Variants in C2orf92 observed in about 807,000 individuals in gnomAD.
The protein encoded by C2orf92 is uncharacterized protein C2orf92.
intron 3 of C2orf92, among the ~76,000 whole-genome samples, chr2:97,681,597 G>T (rs1009151612): frequency 1.3e-5 from 2 of 152,252 alleles, no homozygotes; most frequent in South Asian, 2.1e-4. Flanking sequence ...ATCTTCTCAC[G>T]CCTGTAATCC....
At chr2:97,691,413 T>C (rs986988243) in intron 5 of C2orf92, among the ~76,000 whole-genome samples, 3 of 152,066 alleles carry the variant, frequency 2.0e-5, no homozygotes, top group Admixed American at 2.0e-4. Context: ...AATTCTCCCC[T>C]CCTCCTCAGG....
intron 5 of C2orf92, among the ~76,000 whole-genome samples, chr2:97,695,186 C>CT: frequency 6.6e-6 from 1 of 152,222 alleles, no homozygotes; most frequent in Admixed American, 6.5e-5. Flanking sequence ...TCTGTTTTTT[C>CT]TTTGGTGGCC....
chr2:97,701,682 C>T (rs749558349), intron 7 of C2orf92, among the ~76,000 whole-genome samples: 2 of 152,220 alleles, frequency 1.3e-5, no homozygotes, highest in Admixed American at 6.5e-5. Context: ...GCTGAAGCCA[C>T]GAAGGAGAGT....
In C2orf92 at chr2:97,678,739, G is replaced by A. The variant is rs536835008; in HGVS notation, c.232+2811G>A. Reference sequence around the variant, plus strand: ...AATCCCAGCACTTTGGGAGGCTGACGTGGGCAGATCACTTGAGCCCAGGAA... The same window carrying A: ...AATCCCAGCACTTTGGGAGGCTGACATGGGCAGATCACTTGAGCCCAGGAA... On this transcript the variant is annotated intron_variant, in intron 3 of 7. Coordinates refer to ENST00000627399, the MANE Select transcript of C2orf92 (RefSeq NM_001351368.2). Among the ~76,000 whole-genome samples the A allele has an allele frequency of 1.1e-4, 16 of 151,442 alleles. No homozygotes were observed. In the South Asian group the frequency reaches 3.1e-3, roughly 30 times the overall value.
At chr2:97,672,817 C>T (rs1675456090) in intron 1 of C2orf92, among the ~76,000 whole-genome samples, 2 of 152,186 alleles carry the variant, frequency 1.3e-5, no homozygotes, top group South Asian at 4.2e-4. Flanking sequence ...TTTCTGGTGT[C>T]TCTGTGGTGA....
At chr2:97,681,266 A>C (rs528133089) in intron 3 of C2orf92, among the ~76,000 whole-genome samples, 3 of 152,318 alleles carry the variant, frequency 2.0e-5, no homozygotes, top group Admixed American at 6.5e-5. Context: ...AGCATATGGA[A>C]TATTTGCCAG....
intron 3 of C2orf92, among the ~76,000 whole-genome samples, chr2:97,680,425 A>G (rs936022075): frequency 6.6e-6 from 1 of 152,256 alleles, no homozygotes; most frequent in African/African-American, 2.4e-5. Flanking sequence ...AAACCTGTCC[A>G]TGTATCTACT....
chr2:97,666,451 C>T (rs1476577473), upstream of C2orf92, among the ~76,000 whole-genome samples: 3 of 147,904 alleles, frequency 2.0e-5, no homozygotes, highest in Non-Finnish European at 4.4e-5. Context: ...GTAGGAGAAT[C>T]GCTTGAACCC....
chr2:97,664,167 G>GA (rs907188910), upstream of C2orf92: 4 of 213,910 alleles, frequency 1.9e-5, no homozygotes, highest in Non-Finnish European at 2.8e-5. Flanking sequence ...AGGTCGTCCG[G>GA]AAAAAAGTGG....
intron 3 of C2orf92, among the ~76,000 whole-genome samples, chr2:97,676,824 G>C (rs1455357490): frequency 6.6e-6 from 1 of 152,176 alleles, no homozygotes; most frequent in Non-Finnish European, 1.5e-5. Context: ...GATTCTGTGA[G>C]ATGGGGTGAG....
chr2:97,685,852 C>T (rs1415293044), intron 3 of C2orf92, among the ~76,000 whole-genome samples: 3 of 152,152 alleles, frequency 2.0e-5, no homozygotes, highest in African/African-American at 4.8e-5. Flanking sequence ...TGTGAGCCAC[C>T]GTGCCCAGCC....
intron 3 of C2orf92, among the ~76,000 whole-genome samples, chr2:97,683,075 T>A (rs1384499215): frequency 1.6e-5 from 1 of 63,554 alleles, no homozygotes; most frequent in Non-Finnish European, 3.4e-5. Context: ...CCATATAGAC[T>A]CCACACACAC....
intron 3 of C2orf92, among the ~76,000 whole-genome samples, chr2:97,676,664 C>T (rs772682883): frequency 1.3e-5 from 2 of 151,626 alleles, no homozygotes; most frequent in African/African-American, 4.9e-5. Context: ...CCCAGCTACT[C>T]GGGAGGCTGA....
upstream of C2orf92, chr2:97,669,193 CGTGA>C (rs1444795178): frequency 1.3e-5 from 2 of 152,130 alleles, no homozygotes; most frequent in African/African-American, 4.8e-5. Context: ...AATAGTGACA[CGTGA>C]GTAACAAAAT....
rs1676489464 is a variant in C2orf92 at position 97,701,314 on chromosome 2, G to C, written c.665+10G>C. 5.0e-6 allele frequency: 2 copies of C among 398,922 alleles called. No individual in the cohort carries two copies. Among genetic ancestry groups the C allele is most frequent in the East Asian group, 7.1e-5 (2 of 28,070 alleles). The allele number at this position is 398,922 out of a possible 1,614,324, so 24.7% of individuals were successfully genotyped here. A position where few individuals can be genotyped will look rare whatever the true frequency, so the allele number is the denominator to read the frequency against. ...GGAAGAAACAGCCATCGTGCGTGGT[G>C]CTGGCATAACCTTCCTTCCAAGAAC... is the stretch of plus-strand genomic sequence containing the variant. On this transcript the variant is annotated intron_variant, in intron 7 of 7. Coordinates refer to ENST00000627399, the MANE Select transcript of C2orf92 (RefSeq NM_001351368.2).
upstream of C2orf92, chr2:97,668,609 C>T (rs1038831713): frequency 5.2e-5 from 8 of 152,382 alleles, 1 homozygote; most frequent in African/African-American, 1.9e-4. Context: ...TCAGCATCTA[C>T]ACAACACAGG....
intron 3 of C2orf92, among the ~76,000 whole-genome samples, chr2:97,685,867 T>G (rs1163803131): frequency 1.3e-5 from 2 of 152,192 alleles, no homozygotes; most frequent in Non-Finnish European, 2.9e-5. Context: ...CCAGCCAGAA[T>G]GGCTATTTTT....
Position 97,695,371 on chromosome 2 carries a change from G to T in C2orf92, c.404-3655G>T, listed in dbSNP as rs188105106. ...GATAAGGCTCTAACTTTATTCTTTC[G>T]CATATGATATCCTGTTTTCCTAGTA... On this transcript the variant is annotated intron_variant, in intron 5 of 7. Coordinates refer to ENST00000627399, the MANE Select transcript of C2orf92 (RefSeq NM_001351368.2). 1.3e-3 allele frequency among the ~76,000 whole-genome samples: 202 copies of T among 152,174 alleles called. 1 individual carries two copies. The highest frequency in any genetic ancestry group is 4.6e-3 in the African/African-American group (191 of 41,516).
At position 97,703,003 on chromosome 2, in the gene C2orf92, G is replaced by A. The variant is rs1007106550; in HGVS notation, c.*202G>A. The stretch of plus-strand genomic sequence containing the variant: ...TGGCAATATGGCACCGATGGCTGGC[G>A]TCGGTGAACCCGACAGACTATGGAT... On this transcript the variant is annotated 3_prime_UTR_variant, in exon 8 of 8. Coordinates refer to ENST00000627399, the MANE Select transcript of C2orf92 (RefSeq NM_001351368.2). 22 of 388,284 alleles carry A rather than the reference G, an allele frequency of 5.7e-5. No homozygotes were observed. The highest frequency in any genetic ancestry group is 2.7e-4 in the Admixed American group (6 of 22,424). The allele number at this position is 388,284 out of a possible 1,614,324, so 24.1% of individuals were successfully genotyped here.
Sources: gnomAD v4.1 joint callset for allele counts (sites outside exome capture counted in the v4.1 genomes callset) on GRCh38, gnomAD v4.1.1 for gene constraint, MANE v1.5 for transcripts, NCBI Gene and HGNC (gene_info 2026-07-23, HGNC 2026-07-21) for gene names.